Variants in ENTREP2 observed in about 807,000 individuals in gnomAD.
ENTREP2 encodes endosomal transmembrane epsin interactor 2.
the ENTREP2 span, among the ~76,000 whole-genome samples, chr15:29,183,521 G>C: frequency 9.2e-5 from 14 of 152,136 alleles, no homozygotes; most frequent in African/African-American, 3.4e-4. Flanking sequence ...GAGAAACTGG[G>C]AACAACCCAG....
At chr15:29,118,147 C>T in the ENTREP2 span, 12 of 152,672 alleles carry the variant, frequency 7.9e-5, no homozygotes, top group African/African-American at 2.9e-4. Context: ...GTCTCGAAGT[C>T]TCTTTTTTTG....
chr15:29,180,620 C>T, the ENTREP2 span, among the ~76,000 whole-genome samples: 15 of 151,928 alleles, frequency 9.9e-5, no homozygotes, highest in South Asian at 4.1e-4. Flanking sequence ...GCCGAGATCA[C>T]GCCACTGCAT....
chr15:29,559,159 C>T, the ENTREP2 span, among the ~76,000 whole-genome samples: 612 of 152,162 alleles, frequency 4.0e-3, 5 homozygotes, highest in African/African-American at 0.014. Flanking sequence ...CTGTTAGAAT[C>T]GCGTCTGGCA....
chr15:29,272,467 A>G, the ENTREP2 span, among the ~76,000 whole-genome samples: 2 of 141,942 alleles, frequency 1.4e-5, no homozygotes, highest in African/African-American at 6.0e-5. Context: ...ATAACTTATT[A>G]CACTATATTT....
the ENTREP2 span, among the ~76,000 whole-genome samples, chr15:29,589,908 T>C: frequency 1.3e-5 from 2 of 151,994 alleles, no homozygotes; most frequent in Admixed American, 6.6e-5. Flanking sequence ...GTGAGGGAGG[T>C]GATGCGTGAA....
At chr15:29,128,967 G>A in the ENTREP2 span, 28 of 694,376 alleles carry the variant, frequency 4.0e-5, no homozygotes, top group African/African-American at 2.2e-4. Context: ...GGTGGGAAGC[G>A]CTGAGAGACG....
the ENTREP2 span, among the ~76,000 whole-genome samples, chr15:29,339,571 C>A: frequency 6.6e-6 from 1 of 152,214 alleles, no homozygotes; most frequent in Non-Finnish European, 1.5e-5. Flanking sequence ...ATCATTAGAT[C>A]TGAACTAAAT....
At chr15:29,632,188 A>T in the ENTREP2 span, among the ~76,000 whole-genome samples, 1 of 151,762 alleles carries the variant, frequency 6.6e-6, no homozygotes, top group African/African-American at 2.4e-5. Context: ...TGTCGCCACC[A>T]CCTCAGTCCT....
At chr15:29,466,180 C>T in the ENTREP2 span, among the ~76,000 whole-genome samples, 1 of 152,134 alleles carries the variant, frequency 6.6e-6, no homozygotes, top group Non-Finnish European at 1.5e-5. Context: ...GAGAGCAGCT[C>T]CGAGCAACAG....
At chr15:29,328,828 T>C in the ENTREP2 span, among the ~76,000 whole-genome samples, 4 of 152,174 alleles carry the variant, frequency 2.6e-5, no homozygotes, top group Non-Finnish European at 2.9e-5. Flanking sequence ...TAATAGACTA[T>C]TGATGGTTAT....
chr15:29,149,879 C>T, the ENTREP2 span, among the ~76,000 whole-genome samples: 1 of 152,166 alleles, frequency 6.6e-6, no homozygotes, highest in Admixed American at 6.5e-5. Context: ...GGCAGGAAGC[C>T]GGATATTTCT....
chr15:29,168,579 C>T, the ENTREP2 span, among the ~76,000 whole-genome samples: 1 of 152,114 alleles, frequency 6.6e-6, no homozygotes, highest in Non-Finnish European at 1.5e-5. Flanking sequence ...GGCTTAAATA[C>T]TGATCCTACA....
At chr15:29,200,341 A>G in the ENTREP2 span, among the ~76,000 whole-genome samples, 2 of 152,080 alleles carry the variant, frequency 1.3e-5, no homozygotes, top group South Asian at 2.1e-4. Context: ...ATGCCTAGCT[A>G]ATTTTTGTAT....
At chr15:29,123,182 T>A in the ENTREP2 span, 1 of 757,288 alleles carries the variant, frequency 1.3e-6, no homozygotes, top group Non-Finnish European at 2.1e-6. Flanking sequence ...GGGTAACAGT[T>A]CCCTGCCCAC....
At chr15:29,528,782 T>C in the ENTREP2 span, among the ~76,000 whole-genome samples, 1 of 152,216 alleles carries the variant, frequency 6.6e-6, no homozygotes, top group Non-Finnish European at 1.5e-5. Context: ...TAATTTCAGA[T>C]CTCTGCACTT....
the ENTREP2 span, among the ~76,000 whole-genome samples, chr15:29,223,705 G>A: frequency 2.6e-5 from 4 of 152,202 alleles, no homozygotes; most frequent in Non-Finnish European, 4.4e-5. Flanking sequence ...GGCGCTCCTG[G>A]CCAGGGTGGG....
the ENTREP2 span, among the ~76,000 whole-genome samples, chr15:29,549,065 T>C: frequency 6.6e-6 from 1 of 152,150 alleles, no homozygotes; most frequent in African/African-American, 2.4e-5. Context: ...CCAATCCTGT[T>C]CATGTAAGAC....
the ENTREP2 span, among the ~76,000 whole-genome samples, chr15:29,200,730 T>C: frequency 1.3e-5 from 2 of 152,016 alleles, no homozygotes; most frequent in East Asian, 3.9e-4. Flanking sequence ...AGCTAATTTT[T>C]TTTGTATTTT....
the ENTREP2 span, among the ~76,000 whole-genome samples, chr15:29,524,639 C>T: frequency 4.6e-5 from 7 of 152,230 alleles, no homozygotes; most frequent in Admixed American, 1.3e-4. Context: ...CGTGCAGGAA[C>T]AATGGCGAGC....
Sources: gnomAD v4.1 joint callset for allele counts (sites outside exome capture counted in the v4.1 genomes callset) on GRCh38, gnomAD v4.1.1 for gene constraint, MANE v1.5 for transcripts, NCBI Gene and HGNC (gene_info 2026-07-23, HGNC 2026-07-21) for gene names.